The following RBFOX2 variants were observed in gnomAD, a reference collection of about 807,000 sequenced individuals.
RBFOX2 encodes the protein RNA binding fox-1 homolog 2.
RBFOX2 carries 10 observed loss-of-function variants against 49.1 expected under a neutral mutation model. The ratio of observed to expected loss-of-function variants is 0.20; its 90% CI spans 0.13 to 0.35. The LOEUF is 0.35. Among genes scored for constraint, RBFOX2 ranks in the 10% least tolerant of loss-of-function variants. The pLI is 1.00. For synonymous variants in RBFOX2, 183 were observed against 187.4 expected, an observed-to-expected ratio of 0.98 and a Z score of 0.19; for missense variants, 323 against 486.9, an observed-to-expected ratio of 0.66 and a Z score of 3.17.
At chr22:35,868,988 G>C (rs1484624912) in intron 1 of RBFOX2, among the ~76,000 whole-genome samples, 1 of 152,058 alleles carries the variant, frequency 6.6e-6, no homozygotes, top group Non-Finnish European at 1.5e-5. Context: ...TTTGGTTAAA[G>C]GGCTTTACCT....
intron 1 of RBFOX2, among the ~76,000 whole-genome samples, chr22:35,820,922 A>G (rs997569693): frequency 2.6e-5 from 4 of 152,176 alleles, no homozygotes; most frequent in Non-Finnish European, 4.4e-5. Context: ...AGCCACAGCG[A>G]GATATAGACT....
chr22:35,760,744 T>C (rs1310158491), intron 8 of RBFOX2, among the ~76,000 whole-genome samples: 1 of 152,176 alleles, frequency 6.6e-6, no homozygotes, highest in Non-Finnish European at 1.5e-5. Context: ...CCATGTCCAC[T>C]GAATCCTGTT....
chr22:35,943,200 T>A (rs2149782050), upstream of RBFOX2, among the ~76,000 whole-genome samples: 1 of 152,280 alleles, frequency 6.6e-6, no homozygotes, highest in African/African-American at 2.4e-5. Context: ...GTGGGAAAGA[T>A]TTGCCTCGTC....
At chr22:35,958,271 G>C (rs1440610393) in intron 1 of RBFOX2, among the ~76,000 whole-genome samples, 1 of 152,054 alleles carries the variant, frequency 6.6e-6, no homozygotes, top group Non-Finnish European at 1.5e-5. Flanking sequence ...ACCTTTCTGG[G>C]CCTCAATTTT....
chr22:35,752,043 C>A (rs1342160104), intron 9 of RBFOX2, among the ~76,000 whole-genome samples: 1 of 152,206 alleles, frequency 6.6e-6, no homozygotes, highest in African/African-American at 2.4e-5. Context: ...ACTCACTGAT[C>A]TTCTTAGGTG....
chr22:35,929,651 C>G (rs1266672183), intron 1 of RBFOX2, among the ~76,000 whole-genome samples: 2 of 151,782 alleles, frequency 1.3e-5, no homozygotes, highest in African/African-American at 4.8e-5. Context: ...CAAAAGCGAC[C>G]ATTTTTTTTG....
chr22:35,946,575 A>C (rs1256196894), intron 1 of RBFOX2, among the ~76,000 whole-genome samples: 2 of 152,166 alleles, frequency 1.3e-5, no homozygotes, highest in East Asian at 1.9e-4. Flanking sequence ...CCCAACCCCC[A>C]CGTCTATTTA....
chr22:35,961,526 A>G (rs1361664005), intron 1 of RBFOX2: 1 of 1,300,612 alleles, frequency 7.7e-7, no homozygotes, highest in Non-Finnish European at 1.0e-6. Flanking sequence ...ACAAACTCCC[A>G]CTCCACCACC....
chr22:35,840,657 T>TGTGTG, upstream of RBFOX2: 1 of 975,926 alleles, frequency 1.0e-6, no homozygotes, highest in Non-Finnish European at 1.2e-6. Context: ...TGTGTGTGTG[T>TGTGTG]AGGGGGGAGG....
At chr22:35,920,084 AT>A (rs1446828040) in intron 1 of RBFOX2, among the ~76,000 whole-genome samples, 2 of 152,264 alleles carry the variant, frequency 1.3e-5, no homozygotes, top group African/African-American at 4.8e-5. Context: ...AAACGACAGC[AT>A]AAAAGCACAG....
At position 35,759,108 on chromosome 22, in the gene RBFOX2, C is replaced by A. The variant is rs761446207; in HGVS notation, c.887+780G>T. On this transcript the variant is annotated intron_variant, in intron 9 of 11. Coordinates refer to ENST00000405409, the Ensembl canonical transcript of RBFOX2. The surrounding 1 kb of genome is among the most constrained non-coding windows in gnomAD (Gnocchi z 4.6). ...ACTCTATAAAAATTTGCATTTTAGG[C>A]TGACACTGAGAAACCCCTAAAAACA... Among the ~76,000 whole-genome samples, 25 of 152,160 alleles carry A rather than the reference C, an allele frequency of 1.6e-4. No homozygotes were observed. The highest frequency in any genetic ancestry group is 2.6e-4 in the Admixed American group (4 of 15,290).
At chr22:35,833,867 G>T (rs1410302940) in intron 1 of RBFOX2, among the ~76,000 whole-genome samples, 1 of 151,954 alleles carries the variant, frequency 6.6e-6, no homozygotes, top group Non-Finnish European at 1.5e-5. Context: ...AATGCTTAAT[G>T]CACAGTATGT....
At chr22:35,768,970 G>C (rs774506626) in intron 4 of RBFOX2, among the ~76,000 whole-genome samples, 1 of 152,162 alleles carries the variant, frequency 6.6e-6, no homozygotes, top group Non-Finnish European at 1.5e-5. Context: ...CTGGGTGTGG[G>C]AGAGGAGAGC....
At position 35,924,948 on chromosome 22, in the gene RBFOX2, C is replaced by A. The variant is rs558681478; in HGVS notation, c.-34+13899G>T. ...CAGCACTCTGGGAAGCCGAGGTGGG[C>A]GGATCACTTGAGGTCAGGAGTTCAA... On this transcript the variant is annotated intron_variant, in intron 1 of 13. Transcript: ENST00000359369. Among the ~76,000 whole-genome samples the A allele has an allele frequency of 1.8e-4, 28 of 152,000 alleles. No individual in the cohort carries two copies. The East Asian group carries it at 5.4e-3, about 29-fold the overall frequency.
intron 1 of RBFOX2, among the ~76,000 whole-genome samples, chr22:36,009,623 A>C (rs994888124): frequency 2.6e-5 from 4 of 152,126 alleles, no homozygotes; most frequent in Non-Finnish European, 5.9e-5. Flanking sequence ...TCCTGGGCTC[A>C]AGTGACCCAC....
chr22:36,027,523 T>A (rs1163084304), intron 1 of RBFOX2, among the ~76,000 whole-genome samples: 1 of 152,212 alleles, frequency 6.6e-6, no homozygotes, highest in Non-Finnish European at 1.5e-5. Context: ...AAAAAAATTT[T>A]TTTTATAGCC....
chr22:35,765,834 TG>T (rs1940780099), intron 5 of RBFOX2, among the ~76,000 whole-genome samples: 2 of 152,214 alleles, frequency 1.3e-5, no homozygotes, highest in Non-Finnish European at 2.9e-5. Context: ...CTTTGAAGTC[TG>T]TTAATAAAAC....
At chr22:36,017,227 G>A (rs1172510343) in intron 1 of RBFOX2, among the ~76,000 whole-genome samples, 1 of 152,122 alleles carries the variant, frequency 6.6e-6, no homozygotes, top group Non-Finnish European at 1.5e-5. Context: ...ATTTTCCCCA[G>A]ATCCATAAAA....
chr22:35,922,975 T>C (rs1372030154), intron 1 of RBFOX2, among the ~76,000 whole-genome samples: 3 of 152,272 alleles, frequency 2.0e-5, no homozygotes, highest in East Asian at 1.9e-4. Context: ...AGTGCTGGGT[T>C]TGAAGTCCTA....
Sources: gnomAD v4.1 joint callset for allele counts (sites outside exome capture counted in the v4.1 genomes callset) on GRCh38, gnomAD v4.1.1 for gene constraint, Gnocchi (gnomAD v3.1) non-coding constraint, MANE v1.5 for transcripts, NCBI Gene and HGNC (gene_info 2026-07-23, HGNC 2026-07-21) for gene names.